Variants in GALNT11 observed in about 807,000 individuals in gnomAD.
GALNT11 encodes UDP-GalNAc:polypeptide N-acetylgalactosaminyltransferase 11.
In GALNT11, 47 loss-of-function variants were observed where a neutral mutation model predicts 72.7. The ratio of observed to expected loss-of-function variants is 0.65; its 90% confidence interval spans 0.51 to 0.82. GALNT11 has a LOEUF of 0.82. Ranked by LOEUF, GALNT11 falls within the 40% of genes least tolerant of loss-of-function variation. The pLI is 0.00. For missense variants in GALNT11, 677 were observed against 778.4 expected, an observed-to-expected ratio of 0.87 and a Z score of 1.55; for synonymous variants, 270 against 286.6, an observed-to-expected ratio of 0.94 and a Z score of 0.58.
intron 8 of GALNT11, among the ~76,000 whole-genome samples, chr7:152,116,314 G>A (rs1320026100): frequency 2.6e-5 from 4 of 152,128 alleles, no homozygotes; most frequent in Middle Eastern, 3.4e-3. Context: ...GCAGTGGCAC[G>A]ATCTCAATTC....
intron 1 of GALNT11, among the ~76,000 whole-genome samples, chr7:152,035,550 G>C (rs1426652859): frequency 2.0e-5 from 3 of 152,140 alleles, no homozygotes; most frequent in African/African-American, 4.8e-5. Context: ...TTTCCTCTCT[G>C]TCGACCCTCG....
intron 4 of GALNT11, 87 bp downstream of exon 4, chr7:152,103,365 T>C: frequency 7.2e-7 from 1 of 1,392,548 alleles, no homozygotes; most frequent in Admixed American, 1.9e-5. Context: ...AACTTTCAAG[T>C]ACGTGGTAGG....
At chr7:152,081,793 A>G (rs975723085) in intron 1 of GALNT11, among the ~76,000 whole-genome samples, 10 of 152,056 alleles carry the variant, frequency 6.6e-5, no homozygotes, top group African/African-American at 2.2e-4. Context: ...TCCTCTTTTT[A>G]TCCTTTGTTT....
intron 7 of GALNT11, 103 bp downstream of exon 7, chr7:152,110,748 C>A: frequency 2.2e-6 from 2 of 907,728 alleles, no homozygotes; most frequent in Non-Finnish European, 3.4e-6. Flanking sequence ...ATTTTTTTTT[C>A]GAGATAGGGT....
At chr7:152,035,186 C>T (rs1013382803) in intron 1 of GALNT11, among the ~76,000 whole-genome samples, 6 of 152,268 alleles carry the variant, frequency 3.9e-5, no homozygotes, top group South Asian at 2.1e-4. Context: ...CCTAAAATTC[C>T]GGATAAGACA....
chr7:152,097,357 C>T (rs181876127), intron 2 of GALNT11, among the ~76,000 whole-genome samples: 164 of 152,248 alleles, frequency 1.1e-3, no homozygotes, highest in Admixed American at 1.9e-3. Context: ...GAGTAGCAAG[C>T]GACAGTGAGG....
In GALNT11 at chr7:152,094,641, G is replaced by T. The variant is rs2086261592; in HGVS notation, c.295+119G>T. The T allele has an allele frequency of 6.9e-6, 8 of 1,162,822 alleles. No individual in the cohort carries two copies. The highest frequency in any genetic ancestry group is 8.3e-6 in the Non-Finnish European group (7 of 846,554). The allele number at this position is 1,162,822 out of a possible 1,614,324, so 72.0% of individuals were successfully genotyped here. ...CATTTTTTCCCCACTGATTTATTTT[G>T]TTTGTGAACTACCTGAAGTTCTGTG... On this transcript the variant is annotated intron_variant, in intron 2 of 11. Coordinates refer to ENST00000430044, the MANE Select transcript of GALNT11 (RefSeq NM_022087.4). This position sits in a 1 kb window ranked among gnomAD's most constrained non-coding sequence, Gnocchi z 4.3.
At chr7:152,039,415 G>A (rs1350934482) in intron 1 of GALNT11, among the ~76,000 whole-genome samples, 2 of 152,180 alleles carry the variant, frequency 1.3e-5, no homozygotes, top group Admixed American at 1.3e-4. Context: ...ATTGTTGCCA[G>A]CCAAGATGGA....
chr7:152,089,839 T>C (rs185437855), intron 1 of GALNT11, among the ~76,000 whole-genome samples: 1 of 152,236 alleles, frequency 6.6e-6, no homozygotes. Context: ...CTAACACTTA[T>C]GATTTACTCT....
chr7:152,118,548 A>G (rs2089111135), intron 9 of GALNT11, 130 bp from the exon 10 acceptor site: 1 of 713,184 alleles, frequency 1.4e-6, no homozygotes, highest in Non-Finnish European at 2.3e-6. Flanking sequence ...TTAAAAATGC[A>G]TATATTTTTA....
chr7:152,066,009 CT>C (rs1306103040), intron 1 of GALNT11, among the ~76,000 whole-genome samples: 1 of 152,200 alleles, frequency 6.6e-6, no homozygotes, highest in African/African-American at 2.4e-5. Flanking sequence ...TTTCTGCTGC[CT>C]TTTGTTTGGC....
At chr7:152,115,556 G>A (rs1024740261) in intron 8 of GALNT11, among the ~76,000 whole-genome samples, 3 of 152,122 alleles carry the variant, frequency 2.0e-5, no homozygotes, top group African/African-American at 7.2e-5. Flanking sequence ...CGGAGCTAGC[G>A]GCTGCTCTCC....
chr7:152,036,848 A>C (rs2082605114), intron 1 of GALNT11, among the ~76,000 whole-genome samples: 1 of 152,164 alleles, frequency 6.6e-6, no homozygotes, highest in African/African-American at 2.4e-5. Context: ...GATGTTGATC[A>C]CCTTTTCATA....
At chr7:152,032,359 G>A (rs1047730997) in intron 1 of GALNT11, among the ~76,000 whole-genome samples, 4 of 152,178 alleles carry the variant, frequency 2.6e-5, no homozygotes, top group African/African-American at 7.2e-5. Flanking sequence ...TACAGAAGAA[G>A]GCATCCTTGA....
intron 8 of GALNT11, 63 bp downstream of exon 8, chr7:152,113,461 A>G: frequency 6.4e-7 from 1 of 1,564,772 alleles, no homozygotes; most frequent in Middle Eastern, 1.7e-4. Flanking sequence ...GCCTAGTGAT[A>G]GCTTTAGTTG....
At chr7:152,027,875 T>A (rs1248952053) in intron 1 of GALNT11, among the ~76,000 whole-genome samples, 1 of 152,056 alleles carries the variant, frequency 6.6e-6, no homozygotes, top group East Asian at 1.9e-4. Flanking sequence ...CTCTTAAAGG[T>A]GGCACGTCTG....
chr7:152,076,580 A>G (rs1587194223), intron 1 of GALNT11, among the ~76,000 whole-genome samples: 1 of 152,350 alleles, frequency 6.6e-6, no homozygotes, highest in Non-Finnish European at 1.5e-5. Context: ...GCTGGATTTA[A>G]GGAAGCTGGA....
chr7:152,110,677 C>A, intron 7 of GALNT11, 32 bp downstream of exon 7: 1 of 1,332,164 alleles, frequency 7.5e-7, no homozygotes, highest in Non-Finnish European at 1.1e-6. Context: ...CAATTAATAA[C>A]TGTGTAGTGG....
intron 1 of GALNT11, among the ~76,000 whole-genome samples, chr7:152,060,181 C>G (rs569918139): frequency 6.6e-6 from 1 of 152,320 alleles, no homozygotes; most frequent in African/African-American, 2.4e-5. Context: ...CTGCAGCTTC[C>G]TTACTTTTCT....
Sources: gnomAD v4.1 joint callset for allele counts (sites outside exome capture counted in the v4.1 genomes callset) on GRCh38, gnomAD v4.1.1 for gene constraint, Gnocchi (gnomAD v3.1) non-coding constraint, MANE v1.5 for transcripts, NCBI Gene and HGNC (gene_info 2026-07-23, HGNC 2026-07-21) for gene names.